TSPAN14: variants seen among roughly 807,000 people sequenced by gnomAD.
The protein encoded by TSPAN14 is tetraspanin 14.
In TSPAN14, 16 loss-of-function variants were observed where a neutral mutation model predicts 36.6. The observed-to-expected ratio is 0.44, with a 90% confidence interval of 0.30 to 0.66. TSPAN14 has a LOEUF of 0.66. Ranked by LOEUF, TSPAN14 falls within the 30% of genes least tolerant of loss-of-function variation. The pLI is 0.12. For missense variants in TSPAN14, 231 were observed against 355.1 expected (o/e 0.65, Z 2.81); for synonymous variants, 139 against 143.8 (o/e 0.97, Z 0.24).
chr10:80,496,141 A>G (rs976097622), intron 2 of TSPAN14, among the ~76,000 whole-genome samples: 3 of 152,222 alleles, frequency 2.0e-5, no homozygotes, highest in African/African-American at 7.2e-5. Context: ...TTAAGTGTAT[A>G]GTTCATTGGC....
intron 1 of TSPAN14, among the ~76,000 whole-genome samples, chr10:80,460,535 A>T (rs893990252): frequency 2.0e-5 from 3 of 152,182 alleles, no homozygotes; most frequent in African/African-American, 7.2e-5. Flanking sequence ...TTCTTCTTGC[A>T]CTGGCCTGTC....
At chr10:80,468,659 G>A (rs566639424) in intron 1 of TSPAN14, 1 of 152,190 alleles carries the variant, frequency 6.6e-6, no homozygotes, top group South Asian at 2.1e-4. Flanking sequence ...ATCCAGATCA[G>A]CTGAATCAGA....
At chr10:80,482,356 A>G (rs567628823) in intron 1 of TSPAN14, among the ~76,000 whole-genome samples, 2,746 of 150,490 alleles carry the variant, frequency 0.018, 109 homozygotes, top group African/African-American at 0.064. Flanking sequence ...GCGCAATCTC[A>G]GCTCACTGCA....
intron 1 of TSPAN14, among the ~76,000 whole-genome samples, chr10:80,470,513 A>G (rs554857669): frequency 6.6e-6 from 1 of 152,378 alleles, no homozygotes; most frequent in East Asian, 1.9e-4. Context: ...TACAGCCATA[A>G]TCTTTATGCC....
At position 80,461,841 on chromosome 10, in the gene TSPAN14, C is replaced by T. The variant is rs543472888; in HGVS notation, c.-18+7470C>T. Among the ~76,000 whole-genome samples the T allele has an allele frequency of 1.3e-4, 20 of 151,916 alleles. No homozygotes were observed. The East Asian group carries it at 3.7e-3, about 28-fold the overall frequency. ...CTGCTGAGGGCTTGCACTGAGCCAC[C>T]GAGAGGAGCAGAAAGAGATACGAGG... On this transcript the variant is annotated intron_variant, in intron 1 of 8. Coordinates refer to ENST00000429989, the Ensembl canonical transcript of TSPAN14.
At chr10:80,481,330 T>C (rs1206873114) in intron 1 of TSPAN14, among the ~76,000 whole-genome samples, 1 of 152,140 alleles carries the variant, frequency 6.6e-6, no homozygotes, top group East Asian at 1.9e-4. Flanking sequence ...AAACATCAGA[T>C]GTGAAAAAAC....
At chr10:80,471,909 GCTCATGCCTGTGATCCTAGCA>G (rs1228381739) in intron 1 of TSPAN14, among the ~76,000 whole-genome samples, 2 of 152,194 alleles carry the variant, frequency 1.3e-5, no homozygotes, top group Non-Finnish European at 2.9e-5. Flanking sequence ...GGGCGTGGTG[GCTCATGCCTGTGATCCTAGCA>G]CTTTGGGAGC....
At chr10:80,454,614 G>A (rs1845646389) in intron 1 of TSPAN14, among the ~76,000 whole-genome samples, 1 of 151,952 alleles carries the variant, frequency 6.6e-6, no homozygotes, top group South Asian at 2.1e-4. Context: ...CTCCGGCGCC[G>A]CGCGGACGAG....
intron 1 of TSPAN14, among the ~76,000 whole-genome samples, chr10:80,471,878 T>C (rs1480721723): frequency 4.6e-5 from 7 of 152,204 alleles, no homozygotes; most frequent in Admixed American, 4.6e-4. Context: ...TGAATCATTC[T>C]GAAAATCTCT....
chr10:80,513,689 GA>G (rs1490669799), intron 6 of TSPAN14, among the ~76,000 whole-genome samples: 1 of 152,202 alleles, frequency 6.6e-6, no homozygotes, highest in African/African-American at 2.4e-5. Context: ...TGTGGTACGT[GA>G]AAATTATATG....
intron 4 of TSPAN14, among the ~76,000 whole-genome samples, chr10:80,508,265 G>A (rs1223975894): frequency 1.3e-5 from 2 of 151,854 alleles, no homozygotes; most frequent in African/African-American, 2.4e-5. Context: ...ACAGGCGCCC[G>A]CTACCATGCC....
At chr10:80,463,091 T>C (rs1846065601) in intron 1 of TSPAN14, 2 of 152,396 alleles carry the variant, frequency 1.3e-5, no homozygotes, top group South Asian at 4.1e-4. Flanking sequence ...ATTTCAGGAC[T>C]TGGGGTGGAG....
At chr10:80,455,934 C>T (rs565265310) in intron 1 of TSPAN14, among the ~76,000 whole-genome samples, 25 of 152,172 alleles carry the variant, frequency 1.6e-4, no homozygotes, top group Non-Finnish European at 2.8e-4. Context: ...CCCAGGGCCA[C>T]CAGATGTATT....
At chr10:80,479,952 A>G (rs1442744366) in intron 1 of TSPAN14, among the ~76,000 whole-genome samples, 2 of 142,300 alleles carry the variant, frequency 1.4e-5, no homozygotes, top group South Asian at 2.4e-4. Context: ...ATTTGTTTGT[A>G]TCCTCTTTTA....
chr10:80,458,822 CA>C (rs1465447177), intron 1 of TSPAN14, among the ~76,000 whole-genome samples: 15 of 152,200 alleles, frequency 9.9e-5, no homozygotes, highest in Admixed American at 8.5e-4. Flanking sequence ...CAGGCCCTGG[CA>C]GGGGGGCAGT....
chr10:80,510,430 A>G (rs984667896), intron 5 of TSPAN14, among the ~76,000 whole-genome samples: 8 of 152,082 alleles, frequency 5.3e-5, no homozygotes, highest in African/African-American at 1.4e-4. Flanking sequence ...CCATGTTTTG[A>G]TGCCTCTCCT....
At chr10:80,518,112 AC>A in exon 9 of TSPAN14, 1 of 920,792 alleles carries the variant, frequency 1.1e-6, no homozygotes, top group Non-Finnish European at 1.7e-6. Context: ...GCGTGACGTG[AC>A]CTCTCTGTTT....
At chr10:80,508,966 A>G (rs1242554024) in intron 4 of TSPAN14, among the ~76,000 whole-genome samples, 1 of 152,188 alleles carries the variant, frequency 6.6e-6, no homozygotes, top group Non-Finnish European at 1.5e-5. Flanking sequence ...TTCCTGTGAT[A>G]GGGGTCTCCT....
chr10:80,469,167 G>C (rs1286491020), intron 1 of TSPAN14, among the ~76,000 whole-genome samples: 1 of 151,648 alleles, frequency 6.6e-6, no homozygotes, highest in African/African-American at 2.4e-5. Context: ...GGGTAGGGAT[G>C]GGGGGGTAAC....
Sources: gnomAD v4.1 joint callset for allele counts (sites outside exome capture counted in the v4.1 genomes callset) on GRCh38, gnomAD v4.1.1 for gene constraint, MANE v1.5 for transcripts, NCBI Gene and HGNC (gene_info 2026-07-23, HGNC 2026-07-21) for gene names.